Variants in SLC27A6 observed in about 807,000 individuals in gnomAD.
SLC27A6 encodes long-chain fatty acid transport protein 6.
SLC27A6 carries 74 observed loss-of-function variants against 63.9 expected under a neutral mutation model. The ratio of observed to expected loss-of-function variants is 1.16; its 90% CI spans 0.96 to 1.40. SLC27A6 has a LOEUF of 1.40. Ranked by LOEUF, SLC27A6 falls within the 40% of genes most tolerant of loss-of-function variation. SLC27A6 has a pLI of 0.00. For synonymous variants in SLC27A6, 287 were observed against 260.8 expected, an observed-to-expected ratio of 1.10 and a Z score of -0.97; for missense variants, 794 against 732.9, an observed-to-expected ratio of 1.08 and a Z score of -0.96.
At chr5:129,006,982 AT>A (rs887260728) in intron 4 of SLC27A6, among the ~76,000 whole-genome samples, 1 of 152,222 alleles carries the variant, frequency 6.6e-6, no homozygotes, top group Non-Finnish European at 1.5e-5. Context: ...ACAGCAAAAA[AT>A]ATTATATCCT....
chr5:129,010,879 A>T (rs1468622230), intron 4 of SLC27A6, among the ~76,000 whole-genome samples: 1 of 152,180 alleles, frequency 6.6e-6, no homozygotes, highest in African/African-American at 2.4e-5. Context: ...GTCCTGAATC[A>T]CACAAACCAG....
At chr5:129,030,446 G>A (rs1012011868) in intron 9 of SLC27A6, among the ~76,000 whole-genome samples, 1 of 151,784 alleles carries the variant, frequency 6.6e-6, no homozygotes, top group South Asian at 2.1e-4. Context: ...GCAATAACCT[G>A]TGTCATATTC....
chr5:128,984,103 G>C (rs1286157213), intron 1 of SLC27A6, among the ~76,000 whole-genome samples: 1 of 152,186 alleles, frequency 6.6e-6, no homozygotes, highest in Non-Finnish European at 1.5e-5. Flanking sequence ...GAATATAAAA[G>C]TTGAACTTCA....
chr5:128,986,364 A>T (rs1428185543), intron 2 of SLC27A6, among the ~76,000 whole-genome samples: 1 of 152,232 alleles, frequency 6.6e-6, no homozygotes, highest in Non-Finnish European at 1.5e-5. Flanking sequence ...ATTGATTTCT[A>T]GGAAAAACTG....
chr5:128,966,576 TGCATCCGCGCCTGTGG>T lies in SLC27A6; in HGVS notation c.442_457del (p.Ile148ProfsTer4), dbSNP rs1296864717. On this transcript the variant is annotated frameshift_variant, in exon 1 of 10. Transcript: ENST00000262462. LOFTEE classifies it high-confidence loss of function. ...CATTCGCTCCAACTCCCTCCTGAATTGCATCCGCGCCTGTGGGCCCAGAGCCCTAGTGGTGGGCGCA... is the reference window on the plus strand; with the variant it reads ...CATTCGCTCCAACTCCCTCCTGAATTGCCCAGAGCCCTAGTGGTGGGCGCA... 5 of 1,553,390 alleles carry T rather than the reference TGCATCCGCGCCTGTGG, an allele frequency of 3.2e-6. No homozygotes were observed. Among genetic ancestry groups the T allele is most frequent in the Non-Finnish European group, 4.3e-6 (5 of 1,156,548 alleles).
intron 4 of SLC27A6, among the ~76,000 whole-genome samples, chr5:129,005,567 T>C (rs1272865275): frequency 6.6e-6 from 1 of 151,060 alleles, no homozygotes; most frequent in African/African-American, 2.4e-5. Flanking sequence ...CCCATGTTTC[T>C]CAAAAGCAGC....
Position 128,965,978 on chromosome 5 carries a change from G to A in SLC27A6, c.-160G>A. On this transcript the variant is annotated 5_prime_UTR_variant, in exon 1 of 10. Coordinates refer to ENST00000262462, the MANE Select transcript of SLC27A6 (RefSeq NM_001017372.3). ...GCAAACCTACGATTCTGTTTCTCAGGATTCCTCCCCATCCCGCTTCGCCCC... is the reference window on the plus strand; with the variant it reads ...GCAAACCTACGATTCTGTTTCTCAGAATTCCTCCCCATCCCGCTTCGCCCC... 1 of 753,908 alleles carries A rather than the reference G, an allele frequency of 1.3e-6. No homozygotes were observed. The highest frequency in any genetic ancestry group is 2.0e-6 in the Non-Finnish European group (1 of 512,772). 46.7% of individuals were successfully genotyped at this position (753,908 alleles called of 1,614,324 possible).
At chr5:129,019,547 C>T (rs1011450282) in intron 5 of SLC27A6, among the ~76,000 whole-genome samples, 1 of 151,766 alleles carries the variant, frequency 6.6e-6, no homozygotes, top group Admixed American at 6.6e-5. Context: ...AAAACAATTA[C>T]TCACAGGCTT....
At position 129,029,712 on chromosome 5, in the gene SLC27A6, T is replaced by C; in HGVS notation, c.1683+5T>C. On this transcript the variant is annotated splice_donor_5th_base_variant and intron_variant, in intron 9 of 9. Transcript: ENST00000262462. Reference sequence around the variant, plus strand: ...CCACGATTTTTAAGAATTCAGGTAATTTTAGTGGCGGAGTTTACTATCAAA... The same window carrying C: ...CCACGATTTTTAAGAATTCAGGTAACTTTAGTGGCGGAGTTTACTATCAAA... 6.3e-7 allele frequency: 1 copy of C among 1,593,072 alleles called. No individual in the cohort carries two copies. The highest frequency in any genetic ancestry group is 1.2e-5 in the South Asian group (1 of 86,562).
At chr5:129,019,118 A>C (rs1751995475) in intron 5 of SLC27A6, among the ~76,000 whole-genome samples, 1 of 152,280 alleles carries the variant, frequency 6.6e-6, no homozygotes, top group Non-Finnish European at 1.5e-5. Flanking sequence ...GCAGCAACAC[A>C]GAGTTCCTAT....
At chr5:129,027,863 ATATT>A (rs1218549355) in intron 7 of SLC27A6, among the ~76,000 whole-genome samples, 1 of 152,108 alleles carries the variant, frequency 6.6e-6, no homozygotes, top group Non-Finnish European at 1.5e-5. Context: ...TTAAAACAAA[ATATT>A]CATTCAAAAG....
intron 9 of SLC27A6, among the ~76,000 whole-genome samples, chr5:129,030,862 A>G (rs774092108): frequency 1.3e-5 from 2 of 151,924 alleles, no homozygotes; most frequent in Non-Finnish European, 2.9e-5. Context: ...CAGTTTTATC[A>G]CCTGTGCAAC....
At chr5:129,009,452 T>C (rs1443116339) in intron 4 of SLC27A6, among the ~76,000 whole-genome samples, 1 of 152,170 alleles carries the variant, frequency 6.6e-6, no homozygotes, top group East Asian at 1.9e-4. Flanking sequence ...AAAATTATGA[T>C]AGTTTAAAAA....
chr5:129,004,987 A>C (rs889469970), intron 4 of SLC27A6, among the ~76,000 whole-genome samples: 1 of 152,118 alleles, frequency 6.6e-6, no homozygotes, highest in Non-Finnish European at 1.5e-5. Flanking sequence ...CTTTTGCCTG[A>C]ACTACTTCAG....
intron 4 of SLC27A6, 31 bp from the exon 5 acceptor site, chr5:129,015,854 T>A: frequency 6.9e-7 from 1 of 1,451,888 alleles, no homozygotes; most frequent in Non-Finnish European, 9.4e-7. Context: ...AAACTGGAAC[T>A]AATTACAAGT....
At chr5:129,018,278 C>A (rs911622644) in intron 5 of SLC27A6, among the ~76,000 whole-genome samples, 1 of 152,074 alleles carries the variant, frequency 6.6e-6, no homozygotes, top group Non-Finnish European at 1.5e-5. Context: ...TAATAAACTG[C>A]CATACCTCAA....
chr5:128,995,032 C>G (rs1751109646), intron 4 of SLC27A6, among the ~76,000 whole-genome samples: 1 of 152,168 alleles, frequency 6.6e-6, no homozygotes, highest in Non-Finnish European at 1.5e-5. Flanking sequence ...CTTCTCTTCC[C>G]CTGAGACTAG....
chr5:128,971,208 G>A (rs1750146547), intron 1 of SLC27A6, among the ~76,000 whole-genome samples: 1 of 152,160 alleles, frequency 6.6e-6, no homozygotes, highest in African/African-American at 2.4e-5. Context: ...TAAGTGTGAT[G>A]TGGTGCTGAG....
chr5:129,030,098 G>C (rs1427727378), intron 9 of SLC27A6, among the ~76,000 whole-genome samples: 1 of 151,958 alleles, frequency 6.6e-6, no homozygotes, highest in African/African-American at 2.4e-5. Flanking sequence ...GAACCTAAAG[G>C]CATCTGGCTT....
Sources: gnomAD v4.1 joint callset for allele counts (sites outside exome capture counted in the v4.1 genomes callset) on GRCh38, gnomAD v4.1.1 for gene constraint, MANE v1.5 for transcripts, NCBI Gene and HGNC (gene_info 2026-07-23, HGNC 2026-07-21) for gene names.